Variants in MCM3AP observed in about 807,000 individuals in gnomAD.
The protein encoded by MCM3AP is minichromosome maintenance complex component 3 associated protein.
In MCM3AP, 126 loss-of-function variants were observed where a neutral mutation model predicts 184.1. The observed-to-expected ratio is 0.68, with a 90% CI of 0.59 to 0.79. The LOEUF is 0.79. MCM3AP is among the 30% of genes least tolerant of loss of function. The pLI, the probability that MCM3AP is intolerant of heterozygous loss-of-function variation, is 0.00. For missense variants in MCM3AP, 2,496 were observed against 2,479.2 expected (o/e 1.01, Z -0.14); for synonymous variants, 1,002 against 979.3 (o/e 1.02, Z -0.43).
chr21:46,268,467 C>T (rs1475749731), intron 9 of MCM3AP, among the ~76,000 whole-genome samples: 1 of 152,224 alleles, frequency 6.6e-6, no homozygotes, highest in Non-Finnish European at 1.5e-5. Flanking sequence ...AAAACAAACA[C>T]ATCAAACACA....
At position 46,272,838 on chromosome 21, in the gene MCM3AP, A is replaced by T; in HGVS notation, c.2197-9T>A. 1 of 1,568,446 alleles carries T rather than the reference A, an allele frequency of 6.4e-7. No individual in the cohort carries two copies. Among genetic ancestry groups the T allele is most frequent in the Non-Finnish European group, 8.7e-7 (1 of 1,155,540 alleles). Reference sequence around the variant, plus strand: ...TGCTGCTGCGTGATATCCTGGCCACAGGCGAGGGGGAGGATCACACACACA... The same window carrying T: ...TGCTGCTGCGTGATATCCTGGCCACTGGCGAGGGGGAGGATCACACACACA... On this transcript the variant is annotated splice_polypyrimidine_tract_variant and intron_variant, in intron 7 of 27. Transcript: ENST00000291688.
chr21:46,265,646 C>T, intron 11 of MCM3AP, 123 bp from the exon 12 acceptor site: 1 of 814,968 alleles, frequency 1.2e-6, no homozygotes, highest in South Asian at 1.9e-5. Context: ...CTGGCCTGCC[C>T]TCCAGGAGAC....
Position 46,256,859 on chromosome 21 carries a change from C to T in MCM3AP, c.3862G>A (p.Ala1288Thr). 6.3e-7 allele frequency: 1 copy of T among 1,582,562 alleles called. No individual in the cohort carries two copies. Among genetic ancestry groups the T allele is most frequent in the Non-Finnish European group, 8.6e-7 (1 of 1,164,204 alleles). The change falls in exon 17 of 28, where the codon GCT (alanine) becomes ACT (threonine). Residue 1288 changes from alanine to threonine, a missense_variant. Around this residue, in one of 5 missense-constraint regions of MCM3AP, gnomAD observed 1,323 missense variants for 1,273.4 expected, o/e 1.04. Coordinates refer to ENST00000291688, the MANE Select transcript of MCM3AP (RefSeq NM_003906.5). The part of the protein sequence containing the change: ...ALAPSAECPI[A>T]EENLARGLLD... Reference sequence around the variant, plus strand: ...AGGCCCCTGGCCAGGTTCTCTTCAGCAATGGGGCACTCTGCGCTGGGCGCC... The same window carrying T: ...AGGCCCCTGGCCAGGTTCTCTTCAGTAATGGGGCACTCTGCGCTGGGCGCC...
intron 4 of MCM3AP, among the ~76,000 whole-genome samples, chr21:46,278,847 G>T (rs566918890): frequency 6.6e-6 from 1 of 151,940 alleles, no homozygotes; most frequent in East Asian, 2.0e-4. Flanking sequence ...CTAATTTTTT[G>T]TATTTTTAGT....
intron 26 of MCM3AP, among the ~76,000 whole-genome samples, chr21:46,239,349 G>A (rs958018440): frequency 1.3e-5 from 2 of 152,248 alleles, no homozygotes; most frequent in African/African-American, 2.4e-5. Flanking sequence ...GCAGCCTACT[G>A]TAATAATCCA....
In MCM3AP at chr21:46,243,676, C is replaced by G. The variant is rs1474197807; in HGVS notation, c.5085G>C (p.Gln1695His). The change falls in exon 24 of 28, where the codon CAG becomes CAC. Residue 1695 changes from glutamine to histidine, a missense_variant. By Grantham distance (24) the Gln-to-His change is conservative. Transcript: ENST00000291688. ...GCTGTGTCTGGCGTGAGCTGGGGAT[C>G]TGGGAGGCGTACTGGACAACCATGG... Reference protein sequence around the residue: ...VCSMVVQYASQIPSSRQTQPV... With the variant: ...VCSMVVQYASHIPSSRQTQPV... 6.2e-7 allele frequency: 1 copy of G among 1,614,186 alleles called. No homozygotes were observed. The highest frequency in any genetic ancestry group is 8.5e-7 in the Non-Finnish European group (1 of 1,180,034).
chr21:46,275,154 C>T (rs746670799), intron 6 of MCM3AP, 32 bp downstream of exon 6: 1 of 1,595,386 alleles, frequency 6.3e-7, no homozygotes, highest in Admixed American at 1.8e-5. Context: ...CCGTCCCCTG[C>T]CCACACTCCA....
At chr21:46,266,478 A>G (rs1257918627) in intron 10 of MCM3AP, 3 of 278,096 alleles carry the variant, frequency 1.1e-5, no homozygotes, top group Non-Finnish European at 2.0e-5. Flanking sequence ...ACAGAACTGG[A>G]AGGAGGAGAC....
chr21:46,283,554 C>G, intron 2 of MCM3AP, 61 bp downstream of exon 2: 2 of 1,073,130 alleles, frequency 1.9e-6, no homozygotes, highest in Non-Finnish European at 2.7e-6. Flanking sequence ...AAAAAAAAAA[C>G]AGGTTTTAAA....
chr21:46,269,104 TACA>T (rs1486041332), intron 9 of MCM3AP, among the ~76,000 whole-genome samples: 4 of 152,194 alleles, frequency 2.6e-5, no homozygotes, highest in African/African-American at 9.7e-5. Context: ...TCATCGTGTA[TACA>T]ACATTAACTA....
At chr21:46,271,938 A>G (rs2081185443) in intron 8 of MCM3AP, among the ~76,000 whole-genome samples, 2 of 151,894 alleles carry the variant, frequency 1.3e-5, no homozygotes, top group African/African-American at 4.8e-5. Flanking sequence ...GGAAAATACA[A>G]AGAAAAAAAA....
chr21:46,255,711 G>A (rs2080940471), intron 17 of MCM3AP, among the ~76,000 whole-genome samples: 1 of 151,996 alleles, frequency 6.6e-6, no homozygotes, highest in Non-Finnish European at 1.5e-5. Context: ...GATGGGGGCT[G>A]TCAGTGACAG....
At chr21:46,263,449 G>A (rs2081067168) in intron 13 of MCM3AP, among the ~76,000 whole-genome samples, 1 of 151,904 alleles carries the variant, frequency 6.6e-6, no homozygotes, top group African/African-American at 2.4e-5. Context: ...TAAATGGAAA[G>A]ACATCCCACA....
At chr21:46,273,854 T>C (rs1237611356) in intron 6 of MCM3AP, among the ~76,000 whole-genome samples, 1 of 152,174 alleles carries the variant, frequency 6.6e-6, no homozygotes, top group Non-Finnish European at 1.5e-5. Context: ...GCACATCTGC[T>C]AGCCTCCAAA....
intron 22 of MCM3AP, 63 bp downstream of exon 22, chr21:46,246,244 G>A (rs575746380): frequency 2.0e-6 from 2 of 998,762 alleles, no homozygotes; most frequent in African/African-American, 1.6e-5. Context: ...CTCAATTCAA[G>A]ATACAGCAAA....
At chr21:46,236,684 A>G (rs1196592217) in intron 27 of MCM3AP, 145 bp downstream of exon 27, 2 of 593,962 alleles carry the variant, frequency 3.4e-6, no homozygotes, top group Non-Finnish European at 5.8e-6. Flanking sequence ...TGATATGGAT[A>G]AAGTTTAAGA....
At chr21:46,241,923 C>T (rs183409353) in intron 25 of MCM3AP, 64 of 152,294 alleles carry the variant, frequency 4.2e-4, no homozygotes, top group African/African-American at 1.5e-3. Context: ...GGAGAAGGTA[C>T]TTCAAGGATC....
rs1183958843 is a variant in MCM3AP at position 46,285,107 on chromosome 21, C to T, written c.180G>A (p.Ala60=). The part of the protein sequence containing the change: ...SGFSQVSSFP[A]SSGVSHSSSV... ...AAGAGGAATGACTTACTCCAGAAGA[C>T]GCTGGAAAGCTGGATACCTGTGAAA... The change falls in exon 1 of 28, where the codon GCG becomes GCA. Residue 60 remains alanine (A), a synonymous_variant. Transcript: ENST00000291688. 6 of 1,614,176 alleles carry T rather than the reference C, an allele frequency of 3.7e-6. No individual in the cohort carries two copies. In the South Asian group the frequency reaches 5.5e-5, roughly 15 times the overall value.
chr21:46,254,932 G>A, intron 17 of MCM3AP, 88 bp from the exon 18 acceptor site: 1 of 910,750 alleles, frequency 1.1e-6, no homozygotes, highest in South Asian at 1.3e-5. Context: ...TCAGGAGACT[G>A]AAAAACACAT....
Sources: gnomAD v4.1 joint callset for allele counts (sites outside exome capture counted in the v4.1 genomes callset) on GRCh38, gnomAD v4.1.1 for gene constraint, gnomAD v4.1.1 regional missense constraint, MANE v1.5 for transcripts, NCBI Gene and HGNC (gene_info 2026-07-23, HGNC 2026-07-21) for gene names.